DLG2: variants seen among roughly 807,000 people sequenced by gnomAD.
The protein encoded by DLG2 is discs large MAGUK scaffold protein 2.
Under a neutral mutation model 132.5 loss-of-function variants are expected in DLG2, and 45 were observed. The observed-to-expected ratio is 0.34, with a 90% CI of 0.27 to 0.44. The LOEUF is 0.44. DLG2 is among the 20% of genes least tolerant of loss of function. The pLI, the probability that DLG2 is intolerant of heterozygous loss-of-function variation, is 1.00. For missense variants in DLG2, 1,045 were observed against 1,196.9 expected (o/e 0.87, Z 1.87); for synonymous variants, 424 against 419.6 (o/e 1.01, Z -0.13).
At chr11:85,151,015 C>G (rs938592865) in intron 5 of DLG2, among the ~76,000 whole-genome samples, 1 of 152,166 alleles carries the variant, frequency 6.6e-6, no homozygotes, top group Admixed American at 6.6e-5. Context: ...AATTTCTCCA[C>G]ATCTTTATCA....
At chr11:84,937,481 C>T (rs10898335) in intron 6 of DLG2, among the ~76,000 whole-genome samples, 97,768 of 151,856 alleles carry the variant, frequency 0.64, 33,262 homozygotes, top group East Asian at 0.95. Flanking sequence ...TATAAGTCAA[C>T]TGGGAGTCCA....
chr11:83,584,893 G>A (rs980785400), intron 19 of DLG2, among the ~76,000 whole-genome samples: 2 of 152,152 alleles, frequency 1.3e-5, no homozygotes, highest in Non-Finnish European at 2.9e-5. Context: ...ACAGAACTGG[G>A]CATTGTAAAA....
chr11:83,808,819 AT>A (rs1180688281), intron 17 of DLG2, among the ~76,000 whole-genome samples: 2 of 151,414 alleles, frequency 1.3e-5, no homozygotes, highest in Non-Finnish European at 1.5e-5. Context: ...CTTGATTCTC[AT>A]TTTTTTTCCT....
At chr11:85,503,765 C>A (rs552819662) in intron 3 of DLG2, among the ~76,000 whole-genome samples, 17 of 152,016 alleles carry the variant, frequency 1.1e-4, no homozygotes, top group Non-Finnish European at 2.2e-4. Flanking sequence ...GACATTATTT[C>A]TACTAAAAAT....
chr11:85,030,776 A>G (rs1566689616), intron 6 of DLG2, among the ~76,000 whole-genome samples: 1 of 152,172 alleles, frequency 6.6e-6, no homozygotes, highest in East Asian at 1.9e-4. Flanking sequence ...CCCACCTCAT[A>G]TTGATACTTA....
chr11:83,849,485 T>C (rs979864806), intron 16 of DLG2, among the ~76,000 whole-genome samples: 2 of 151,804 alleles, frequency 1.3e-5, no homozygotes, highest in African/African-American at 4.8e-5. Flanking sequence ...AAATAAGACA[T>C]AAATATAGAG....
chr11:84,219,831 C>A (rs944634681), intron 8 of DLG2, among the ~76,000 whole-genome samples: 3 of 152,166 alleles, frequency 2.0e-5, no homozygotes, highest in African/African-American at 7.2e-5. Flanking sequence ...ATCATTCACT[C>A]ATTTTATTGT....
At chr11:85,314,246 G>A (rs1053433851) in intron 3 of DLG2, among the ~76,000 whole-genome samples, 1 of 151,718 alleles carries the variant, frequency 6.6e-6, no homozygotes, top group Non-Finnish European at 1.5e-5. Flanking sequence ...TTGGTATTCT[G>A]AACTCTAAAA....
chr11:84,183,461 A>T (rs1458572937), intron 8 of DLG2, among the ~76,000 whole-genome samples: 1 of 152,160 alleles, frequency 6.6e-6, no homozygotes, highest in African/African-American at 2.4e-5. Context: ...CTATGAACCT[A>T]AAACTGCTCT....
intron 6 of DLG2, among the ~76,000 whole-genome samples, chr11:84,622,762 TA>T (rs1357150547): frequency 6.6e-6 from 1 of 152,154 alleles, no homozygotes; most frequent in Non-Finnish European, 1.5e-5. Context: ...ACTATGGCTA[TA>T]GCTTAGAATT....
intron 8 of DLG2, among the ~76,000 whole-genome samples, chr11:84,200,200 T>C (rs2096573973): frequency 6.6e-6 from 1 of 152,084 alleles, no homozygotes; most frequent in South Asian, 2.1e-4. Context: ...AGTAAGAATA[T>C]TATTAAAAAA....
At chr11:83,554,666 G>T (rs1321643952) in intron 19 of DLG2, among the ~76,000 whole-genome samples, 2 of 152,108 alleles carry the variant, frequency 1.3e-5, no homozygotes, top group African/African-American at 2.4e-5. Flanking sequence ...GGGACTAGTG[G>T]TTCTATTGGC....
intron 3 of DLG2, among the ~76,000 whole-genome samples, chr11:85,440,903 A>G (rs1462660385): frequency 6.6e-6 from 1 of 152,216 alleles, no homozygotes; most frequent in Non-Finnish European, 1.5e-5. Flanking sequence ...CTCAAAATTA[A>G]TAAGATCTCA....
At chr11:84,609,447 G>C (rs777288229) in intron 6 of DLG2, among the ~76,000 whole-genome samples, 2 of 152,016 alleles carry the variant, frequency 1.3e-5, no homozygotes, top group African/African-American at 4.8e-5. Context: ...CGTAATTCTC[G>C]CAGTTTTTGG....
chr11:85,336,432 G>A (rs1046166254), intron 3 of DLG2: 1 of 154,246 alleles, frequency 6.5e-6, no homozygotes, highest in African/African-American at 2.4e-5. Context: ...AGCAGCTGAG[G>A]TGTAGGTGGT....
At chr11:84,121,535 T>G (rs965325759) in intron 9 of DLG2, among the ~76,000 whole-genome samples, 3 of 148,778 alleles carry the variant, frequency 2.0e-5, no homozygotes, top group Non-Finnish European at 3.0e-5. Flanking sequence ...CTTATATTCC[T>G]TGCTAATTTT....
intron 21 of DLG2, among the ~76,000 whole-genome samples, chr11:83,503,922 T>TA (rs2139340984): frequency 6.6e-6 from 1 of 152,216 alleles, no homozygotes; most frequent in South Asian, 2.1e-4. Flanking sequence ...ATAAAGACAA[T>TA]AATAAGGTCA....
intron 9 of DLG2, among the ~76,000 whole-genome samples, chr11:84,158,771 G>T (rs1019566676): frequency 6.6e-6 from 1 of 152,012 alleles, no homozygotes; most frequent in African/African-American, 2.4e-5. Context: ...AGAAACAAAA[G>T]AAGTTCTTGT....
chr11:84,351,153 A>G (rs371342085), intron 7 of DLG2, among the ~76,000 whole-genome samples: 3 of 152,312 alleles, frequency 2.0e-5, no homozygotes, highest in Admixed American at 6.5e-5. Flanking sequence ...TTCAAATCTT[A>G]CAGGAATTGT....
Sources: allele counts gnomAD v4.1 joint callset (sites outside exome capture counted in the v4.1 genomes callset), GRCh38; gene constraint gnomAD v4.1.1; transcripts MANE v1.5; gene names NCBI Gene and HGNC (gene_info 2026-07-23, HGNC 2026-07-21).